RHNO1: variants seen among roughly 807,000 people sequenced by gnomAD.
RHNO1 encodes RAD9, HUS1, RAD1-interacting nuclear orphan protein 1.
RHNO1 carries 9 observed loss-of-function variants against 7.2 expected under a neutral mutation model. That is an observed-to-expected ratio of 1.25 (90% CI 0.75 to 2.18). RHNO1 has a LOEUF of 2.18. RHNO1 is among the 30% of genes most tolerant of loss of function. The pLI is 0.00. For synonymous variants in RHNO1, 95 were observed against 107.5 expected (o/e 0.88, Z 0.72); for missense variants, 292 against 284.5 (o/e 1.03, Z -0.19).
At chr12:2,882,335 C>T (rs912228162) in intron 1 of RHNO1, among the ~76,000 whole-genome samples, 3 of 151,590 alleles carry the variant, frequency 2.0e-5, no homozygotes, top group African/African-American at 7.3e-5. Flanking sequence ...AAAAGATGCT[C>T]TAGGCACCTT....
chr12:2,885,636 G>T, intron 2 of RHNO1, 102 bp downstream of exon 2: 2 of 1,050,446 alleles, frequency 1.9e-6, no homozygotes, highest in Non-Finnish European at 2.6e-6. Flanking sequence ...GCACAGTGGC[G>T]CGATCTTGGC....
chr12:2,885,380 A>G lies in RHNO1; in HGVS notation c.14A>G (p.Lys5Arg), dbSNP rs1305048930. 1.9e-6 allele frequency: 3 copies of G among 1,612,950 alleles called. No homozygotes were observed. The highest frequency in any genetic ancestry group is 2.5e-6 in the Non-Finnish European group (3 of 1,179,664). ...ATTCACCGGTTGATGCCTCCCAGAAAAAAACGCCGCCAGCCTTCCCAGAAA... is the reference window on the plus strand; with the variant it reads ...ATTCACCGGTTGATGCCTCCCAGAAGAAAACGCCGCCAGCCTTCCCAGAAA... MPPR[K>R]KRRQPSQKAP... The change falls in exon 2 of 3, where the codon AAA (lysine) becomes AGA (arginine). Residue 5 changes from lysine to arginine, a missense_variant. By Grantham distance (26) the Lys-to-Arg change is conservative. Transcript: ENST00000489288.
In RHNO1 at chr12:2,887,859, C is replaced by T. The variant is rs1323167824; in HGVS notation, c.169-52C>T. 3 of 1,434,744 alleles carry T rather than the reference C, an allele frequency of 2.1e-6. 1 individual carries two copies. The highest frequency in any genetic ancestry group is 2.9e-5 in the South Asian group (2 of 70,092). The allele number at this position is 1,434,744 out of a possible 1,614,324, so 88.9% of individuals were successfully genotyped here. A position where few individuals can be genotyped will look rare whatever the true frequency, so the allele number is the denominator to read the frequency against. On this transcript the variant is annotated intron_variant, in intron 2 of 2. Transcript: ENST00000489288. ...GTCTGGTCATCAGATACAGTTTCCT[C>T]TCTTAGGTTAGTACTTAGTTAGGCT...
chr12:2,877,999 G>T (rs981332809), intron 1 of RHNO1: 2 of 152,222 alleles, frequency 1.3e-5, no homozygotes, highest in African/African-American at 4.8e-5. Context: ...TGGCAACATA[G>T]CGAAACCGCT....
chr12:2,888,268 G>A lies in RHNO1; in HGVS notation c.526G>A (p.Glu176Lys). 2 of 1,614,120 alleles carry A rather than the reference G, an allele frequency of 1.2e-6. No homozygotes were observed. Among genetic ancestry groups the A allele is most frequent in the Non-Finnish European group, 1.7e-6 (2 of 1,180,034 alleles). Residue 176 changes from glutamate to lysine, a missense_variant, in exon 3 of 3, where the codon GAA becomes AAA. Physicochemically the swap from Glu to Lys is moderately conservative, Grantham distance 56. Transcript: ENST00000489288. Reference protein sequence around the residue: ...KEELIPQDQKENSLLSCTLHT... With the variant: ...KEELIPQDQKKNSLLSCTLHT... Reference sequence around the variant, plus strand: ...AGAACTCATTCCCCAAGATCAGAAGGAAAACAGCCTTCTAAGCTGCACTCT... The same window carrying A: ...AGAACTCATTCCCCAAGATCAGAAGAAAAACAGCCTTCTAAGCTGCACTCT...
chr12:2,888,148 A>G lies in RHNO1; in HGVS notation c.406A>G (p.Ser136Gly), dbSNP rs756883674. The G allele has an allele frequency of 2.3e-5, 37 of 1,613,938 alleles. No homozygotes were observed. The highest frequency in any genetic ancestry group is 3.1e-5 in the Non-Finnish European group (37 of 1,179,988). Residue 136 changes from serine (S) to glycine (G), a missense_variant, in exon 3 of 3, where the codon AGC becomes GGC. By Grantham distance (56) the Ser-to-Gly change is moderately conservative. Coordinates refer to ENST00000489288, the MANE Select transcript of RHNO1 (RefSeq NM_001252499.3). ...RPLVPVLSPQ[S>G]CGNMSVQALQ... ...CTTAGTTCCAGTGCTCAGTCCCCAA[A>G]GCTGTGGGAACATGTCAGTGCAGGC...
At position 2,888,194 on chromosome 12, in the gene RHNO1, T is replaced by C. The variant is rs768960119; in HGVS notation, c.452T>C (p.Val151Ala). Residue 151 changes from valine (V) to alanine (A), a missense_variant, in exon 3 of 3, where the codon GTG becomes GCG. Transcript: ENST00000489288. The part of the protein sequence containing the change: ...SVQALQSLPY[V>A]FIPPDIQTPE... ...CAGGCACTTCAGAGCTTACCTTATG[T>C]GTTCATTCCACCTGATATCCAGACC... The C allele has an allele frequency of 1.6e-5, 26 of 1,614,002 alleles. No individual in the cohort carries two copies. In the South Asian group the frequency reaches 2.7e-4, roughly 17 times the overall value.
intron 2 of RHNO1, among the ~76,000 whole-genome samples, chr12:2,886,745 A>C (rs1376403300): frequency 6.6e-6 from 1 of 152,192 alleles, no homozygotes; most frequent in Non-Finnish European, 1.5e-5. Flanking sequence ...GGGCCAGACA[A>C]AAGCATAAGC....
chr12:2,888,006 C>T lies in RHNO1; in HGVS notation c.264C>T (p.Thr88=), dbSNP rs1338547165. The change falls in exon 3 of 3, where the codon ACC becomes ACT. Residue 88 remains threonine (T), a synonymous_variant. Transcript: ENST00000489288. ...GACACTCAAGTCGAAAACCTACCAC[C>T]TCCAAGTTTCCACATCTAACTTTTG... ...RARHSSRKPT[T]SKFPHLTFES... is the part of the protein sequence containing the mutation. 10 of 1,614,056 alleles carry T rather than the reference C, an allele frequency of 6.2e-6. No homozygotes were observed. The highest frequency in any genetic ancestry group is 8.5e-6 in the Non-Finnish European group (10 of 1,180,026).
intron 1 of RHNO1, among the ~76,000 whole-genome samples, chr12:2,883,511 ATTTTTTT>A (rs869192550): frequency 3.4e-4 from 9 of 26,836 alleles, no homozygotes; most frequent in South Asian, 1.6e-3. Context: ...ATATATATAT[ATTTTTTT>A]TTTTTTTTTT....
rs1369935410 is a variant in RHNO1, at chr12:2,889,044, A to G, written c.*585A>G. ...GTCTTTGTTTCCTTAACCACTACTC[A>G]TTAATCCTTAATCACCTCATTCAAA... On this transcript the variant is annotated 3_prime_UTR_variant, in exon 3 of 3. Coordinates refer to ENST00000489288, the MANE Select transcript of RHNO1 (RefSeq NM_001252499.3). The G allele has an allele frequency of 1.3e-5, 2 of 152,176 alleles. No homozygotes were observed. The highest frequency in any genetic ancestry group is 2.9e-5 in the Non-Finnish European group (2 of 68,054). The allele number at this position is 152,176 out of a possible 1,614,324, so 9.4% of individuals were successfully genotyped here. A position where few individuals can be genotyped will look rare whatever the true frequency, so the allele number is the denominator to read the frequency against.
intron 2 of RHNO1, among the ~76,000 whole-genome samples, chr12:2,887,620 C>T (rs994171192): frequency 2.6e-5 from 4 of 152,112 alleles, no homozygotes; most frequent in African/African-American, 9.7e-5. Context: ...TGCATTCCAG[C>T]CTAGACGTCG....
intron 2 of RHNO1, 26 bp downstream of exon 2, chr12:2,885,560 CATTTTTT>C (rs375309554): frequency 0.091 from 66,032 of 728,228 alleles, 5,697 homozygotes; most frequent in East Asian, 0.15. Context: ...TACTATTTGA[CATTTTTT>C]TTTTTTTTTT....
intron 1 of RHNO1, among the ~76,000 whole-genome samples, chr12:2,882,255 A>C (rs1300860629): frequency 1.3e-5 from 2 of 151,034 alleles, no homozygotes; most frequent in East Asian, 3.9e-4. Context: ...TAGTCTGGGC[A>C]ACAAAGCAAG....
At chr12:2,876,345 A>T (rs1222044519), upstream of RHNO1, 1 of 152,014 alleles carries the variant, frequency 6.6e-6, no homozygotes, top group African/African-American at 2.4e-5. Context: ...CTTTTTCCAC[A>T]GGATATCTAA....
rs759250755 is a variant in RHNO1 at position 2,888,125 on chromosome 12, T to C, written c.383T>C (p.Leu128Ser). ...ESEKDVSRRP[L>S]VPVLSPQSCG... ...GAAAAGGATGTTTCCAGAAGACCCT[T>C]AGTTCCAGTGCTCAGTCCCCAAAGC... The change falls in exon 3 of 3, where the codon TTA (leucine) becomes TCA (serine). Residue 128 changes from leucine to serine, a missense_variant. Leu to Ser is a moderately radical substitution (Grantham distance 145). Coordinates refer to ENST00000489288, the MANE Select transcript of RHNO1 (RefSeq NM_001252499.3). 1.2e-6 allele frequency: 2 copies of C among 1,613,980 alleles called. No individual in the cohort carries two copies. Among genetic ancestry groups the C allele is most frequent in the Non-Finnish European group, 1.7e-6 (2 of 1,179,912 alleles).
intron 1 of RHNO1, among the ~76,000 whole-genome samples, chr12:2,884,195 G>A (rs566552786): frequency 2.0e-5 from 3 of 150,978 alleles, no homozygotes; most frequent in African/African-American, 4.9e-5. Context: ...CATGTAGTTC[G>A]GATTACAGGC....
chr12:2,881,925 A>G (rs1369925856), intron 1 of RHNO1, among the ~76,000 whole-genome samples: 1 of 151,798 alleles, frequency 6.6e-6, no homozygotes, highest in Non-Finnish European at 1.5e-5. Context: ...AAGAAAGAAA[A>G]AAAGAGAAAC....
intron 2 of RHNO1, among the ~76,000 whole-genome samples, chr12:2,886,738 C>T (rs2098166064): frequency 6.6e-6 from 1 of 151,624 alleles, no homozygotes; most frequent in Non-Finnish European, 1.5e-5. Context: ...AGTAAAAGGG[C>T]CAGACAAAAG....
Sources: gnomAD v4.1 joint callset for allele counts (sites outside exome capture counted in the v4.1 genomes callset) on GRCh38, gnomAD v4.1.1 for gene constraint, MANE v1.5 for transcripts, NCBI Gene and HGNC (gene_info 2026-07-23, HGNC 2026-07-21) for gene names.